NRG3: variants seen among roughly 807,000 people sequenced by gnomAD.
NRG3 encodes pro-neuregulin-3, membrane-bound isoform.
In NRG3, 31 loss-of-function variants were observed where a neutral mutation model predicts 66.9. The observed-to-expected ratio is 0.46, with a 90% CI of 0.35 to 0.63. NRG3 has a LOEUF of 0.63. Ranked by LOEUF, NRG3 falls within the 20% of genes least tolerant of loss-of-function variation. The pLI is 0.00. For synonymous variants in NRG3, 393 were observed against 359.4 expected (o/e 1.09, Z -1.06); for missense variants, 910 against 878.9 (o/e 1.04, Z -0.45).
chr10:82,684,235 T>G (rs752358954), intron 2 of NRG3, among the ~76,000 whole-genome samples: 25 of 152,258 alleles, frequency 1.6e-4, no homozygotes, highest in Non-Finnish European at 2.6e-4. Context: ...GCTCTTGCAC[T>G]AAGCAAATAA....
intron 1 of NRG3, among the ~76,000 whole-genome samples, chr10:82,196,974 C>T (rs549712769): frequency 3.9e-4 from 60 of 152,296 alleles, no homozygotes; most frequent in African/African-American, 1.4e-3. Context: ...CAACACAATT[C>T]TCTGAGTTGT....
intron 3 of NRG3, among the ~76,000 whole-genome samples, chr10:82,776,505 A>G (rs1293226243): frequency 1.3e-5 from 2 of 152,288 alleles, no homozygotes; most frequent in Non-Finnish European, 1.5e-5. Flanking sequence ...TTATTTTGTC[A>G]AATAAGCTTT....
chr10:82,543,431 A>T (rs2043680641), intron 2 of NRG3, among the ~76,000 whole-genome samples: 1 of 152,240 alleles, frequency 6.6e-6, no homozygotes, highest in African/African-American at 2.4e-5. Context: ...AAAAATAAGT[A>T]TTGCTGTTAC....
intron 3 of NRG3, among the ~76,000 whole-genome samples, chr10:82,781,287 T>C (rs1024275099): frequency 3.3e-5 from 5 of 152,272 alleles, no homozygotes; most frequent in East Asian, 1.9e-4. Context: ...CTTTCAAGGG[T>C]ATCTTTCTTT....
chr10:82,899,127 C>A (rs1296694526), intron 4 of NRG3, among the ~76,000 whole-genome samples: 1 of 151,996 alleles, frequency 6.6e-6, no homozygotes, highest in Admixed American at 6.6e-5. Flanking sequence ...TTCATAGGGT[C>A]CCTACAAGAC....
At chr10:82,313,159 C>A (rs140092922) in intron 1 of NRG3, among the ~76,000 whole-genome samples, 3 of 151,806 alleles carry the variant, frequency 2.0e-5, no homozygotes, top group Non-Finnish European at 4.4e-5. Context: ...CCTGACAGAG[C>A]GAGACCCTGT....
At chr10:82,072,933 C>G (rs1474437414) in intron 1 of NRG3, among the ~76,000 whole-genome samples, 1 of 151,620 alleles carries the variant, frequency 6.6e-6, no homozygotes, top group Non-Finnish European at 1.5e-5. Flanking sequence ...TGACCAGTGA[C>G]CAGTTAATTT....
intron 1 of NRG3, among the ~76,000 whole-genome samples, chr10:81,979,709 T>C (rs1354889340): frequency 3.9e-5 from 6 of 152,208 alleles, no homozygotes; most frequent in South Asian, 2.1e-4. Context: ...CTCACATGCA[T>C]GCACAAACAC....
intron 1 of NRG3, among the ~76,000 whole-genome samples, chr10:82,240,352 A>G (rs965651725): frequency 6.6e-6 from 1 of 152,200 alleles, no homozygotes; most frequent in South Asian, 2.1e-4. Flanking sequence ...AAATATGAAG[A>G]TGAAAGTGTA....
rs1554887426 is a variant in NRG3, at chr10:82,334,151, A to AG, written c.824-24588_824-24587insG. ...CATGGCGTCTCAAAAAAAAAAAAAA[A>AG]AAAAGAAAAGAAAAAGGGATGGGCC... On this transcript the variant is annotated intron_variant, in intron 1 of 8. Transcript: ENST00000372141. Among the ~76,000 whole-genome samples, 992 of 144,634 alleles carry AG rather than the reference A, an allele frequency of 6.9e-3. 11 individuals are homozygous for AG. Among genetic ancestry groups the AG allele is most frequent in the African/African-American group, 0.024 (919 of 37,522 alleles). The allele number at this position is 144,634 out of a possible 152,430, so 94.9% of individuals were successfully genotyped here.
At chr10:82,388,438 G>A (rs1388811530) in intron 2 of NRG3, among the ~76,000 whole-genome samples, 2 of 152,150 alleles carry the variant, frequency 1.3e-5, no homozygotes, top group East Asian at 3.9e-4. Context: ...AGGAAAATAG[G>A]TGGCTGTGAT....
chr10:81,962,498 T>G (rs1261819791), intron 1 of NRG3, among the ~76,000 whole-genome samples: 1 of 152,240 alleles, frequency 6.6e-6, no homozygotes, highest in African/African-American at 2.4e-5. Context: ...CTTATGTATT[T>G]TAGCTGATAA....
At chr10:82,736,265 T>C (rs1407092973) in intron 2 of NRG3, among the ~76,000 whole-genome samples, 1 of 152,258 alleles carries the variant, frequency 6.6e-6, no homozygotes, top group African/African-American at 2.4e-5. Flanking sequence ...TGAAAACTTT[T>C]ATTCTTTGCT....
chr10:82,232,612 G>A, intron 1 of NRG3: 1 of 601,890 alleles, frequency 1.7e-6, no homozygotes, highest in Non-Finnish European at 3.0e-6. Flanking sequence ...TTTCTCTTTT[G>A]CTGCATCTAT....
intron 1 of NRG3, among the ~76,000 whole-genome samples, chr10:82,142,602 A>G (rs1010153449): frequency 6.6e-6 from 1 of 152,114 alleles, no homozygotes; most frequent in African/African-American, 2.4e-5. Context: ...AGCTGACTTC[A>G]GGAAACATAG....
chr10:82,967,464 GAATACAC>G (rs1358918460), intron 6 of NRG3, among the ~76,000 whole-genome samples: 2 of 152,068 alleles, frequency 1.3e-5, no homozygotes, highest in Admixed American at 1.3e-4. Flanking sequence ...TTCAGTGACA[GAATACAC>G]ATAAAGCATT....
intron 2 of NRG3, among the ~76,000 whole-genome samples, chr10:82,397,911 C>CCT (rs1162702833): frequency 1.3e-5 from 2 of 152,156 alleles, no homozygotes; most frequent in Non-Finnish European, 2.9e-5. Context: ...TCAAGGAAGA[C>CCT]CTCCTGCTGC....
At position 82,352,794 on chromosome 10, in the gene NRG3, A is replaced by G. The variant is rs543986245; in HGVS notation, c.824-5945A>G. 2.6e-5 allele frequency among the ~76,000 whole-genome samples: 4 copies of G among 151,970 alleles called. No individual in the cohort carries two copies. In the South Asian group the frequency reaches 8.3e-4, roughly 32 times the overall value. On this transcript the variant is annotated intron_variant, in intron 1 of 8. Transcript: ENST00000372141. ...GTATGAGATGAGGAGTGAGAGACAC[A>G]GAGGGCTTGGGAAGATTTTGGTCTT...
At chr10:82,683,202 G>A (rs574523164) in intron 2 of NRG3, among the ~76,000 whole-genome samples, 7 of 151,958 alleles carry the variant, frequency 4.6e-5, no homozygotes, top group African/African-American at 1.7e-4. Context: ...TGATCCACCC[G>A]CCTCGGCCTC....
Sources: gnomAD v4.1 joint callset for allele counts (sites outside exome capture counted in the v4.1 genomes callset) on GRCh38, gnomAD v4.1.1 for gene constraint, MANE v1.5 for transcripts, NCBI Gene and HGNC (gene_info 2026-07-23, HGNC 2026-07-21) for gene names.